MAST4: variants seen among roughly 807,000 people sequenced by gnomAD.
The protein encoded by MAST4 is microtubule-associated serine/threonine-protein kinase 4.
Under a neutral mutation model 162.7 loss-of-function variants are expected in MAST4, and 89 were observed. That is an observed-to-expected ratio of 0.55 (90% CI 0.46 to 0.65). The LOEUF (loss-of-function observed/expected upper bound fraction) is 0.65, where lower values mean the gene tolerates loss of function less well. MAST4 is among the 30% of genes least tolerant of loss of function. The pLI, the probability that MAST4 is intolerant of heterozygous loss-of-function variation, is 0.00. For synonymous variants in MAST4, 1,479 were observed against 1,361.1 expected (o/e 1.09, Z -1.91); for missense variants, 3,153 against 3,374.0 (o/e 0.93, Z 1.62).
chr5:66,948,506 G>A (rs1744289891), intron 4 of MAST4, among the ~76,000 whole-genome samples: 1 of 152,034 alleles, frequency 6.6e-6, no homozygotes, highest in African/African-American at 2.4e-5. Context: ...GCTTAGGTAG[G>A]GCACAGCAAA....
chr5:66,939,551 A>T (rs1237825027), intron 4 of MAST4, among the ~76,000 whole-genome samples: 1 of 152,090 alleles, frequency 6.6e-6, no homozygotes, highest in Non-Finnish European at 1.5e-5. Context: ...ATACCAATTC[A>T]TATTTTGCCA....
At chr5:67,116,084 T>G (rs1766872323) in intron 12 of MAST4, among the ~76,000 whole-genome samples, 1 of 152,230 alleles carries the variant, frequency 6.6e-6, no homozygotes, top group South Asian at 2.1e-4. Flanking sequence ...TTCTAGAGGC[T>G]CTGAAGAAAA....
In MAST4 at chr5:67,136,634, A is replaced by C. The variant is rs1455457027; in HGVS notation, c.2464A>C (p.Arg822=). 1 of 1,603,040 alleles carries C rather than the reference A, an allele frequency of 6.2e-7. No individual in the cohort carries two copies. Among genetic ancestry groups the C allele is most frequent in the South Asian group, 1.1e-5 (1 of 88,374 alleles). ...CCAGGATCTGATTACCTTACTCCTC[A>C]GGCAGAATCCCCTGGAGAGGCTGGG... ...DAQDLITLLL[R]QNPLERLGTG... The change falls in exon 19 of 29, where the codon AGG becomes CGG. Residue 822 remains arginine (R), a synonymous_variant. Coordinates refer to ENST00000403625, the MANE Select transcript of MAST4 (RefSeq NM_001164664.2).
Position 67,100,679 on chromosome 5 carries a change from A to G in MAST4, c.1070+87A>G. 9.4e-6 allele frequency: 14 copies of G among 1,493,908 alleles called. No homozygotes were observed. In the South Asian group the frequency reaches 1.4e-4, roughly 15 times the overall value. 92.5% of individuals were successfully genotyped at this position (1,493,908 alleles called of 1,614,324 possible). A position where few individuals can be genotyped will look rare whatever the true frequency, so the allele number is the denominator to read the frequency against. On this transcript the variant is annotated intron_variant, in intron 8 of 28. Coordinates refer to ENST00000403625, the MANE Select transcript of MAST4 (RefSeq NM_001164664.2). The stretch of plus-strand genomic sequence containing the variant: ...TGAACACTTCGGTCCTTTAGGTCAT[A>G]TGTGTGTTAACTGACTTGCAAACTA...
chr5:66,993,086 G>A (rs918670019), intron 4 of MAST4, among the ~76,000 whole-genome samples: 12 of 152,266 alleles, frequency 7.9e-5, no homozygotes, highest in East Asian at 1.9e-4. Context: ...CAATAGTGGC[G>A]TTTGGTTCAT....
chr5:66,972,660 C>T (rs1747587171), intron 4 of MAST4, among the ~76,000 whole-genome samples: 1 of 152,196 alleles, frequency 6.6e-6, no homozygotes, highest in Non-Finnish European at 1.5e-5. Context: ...CCATTTATCC[C>T]TAGATTTGTG....
intron 1 of MAST4, among the ~76,000 whole-genome samples, chr5:66,663,737 A>G (rs1747061482): frequency 6.6e-6 from 1 of 152,184 alleles, no homozygotes. Context: ...CCTGTGGGCC[A>G]TTTTTAGAAC....
At chr5:66,992,312 T>C (rs1750152600) in intron 4 of MAST4, among the ~76,000 whole-genome samples, 1 of 152,210 alleles carries the variant, frequency 6.6e-6, no homozygotes, top group African/African-American at 2.4e-5. Context: ...AGATAGTGTC[T>C]ATATCAAGAA....
rs1439797580 is a variant in MAST4 at position 67,163,730 on chromosome 5, G to A, written c.4551G>A (p.Lys1517=). The A allele has an allele frequency of 1.9e-6, 3 of 1,609,048 alleles. No homozygotes were observed. Among genetic ancestry groups the A allele is most frequent in the Non-Finnish European group, 2.5e-6 (3 of 1,178,026 alleles). ...GCCTGAAACGCCCAGTCTCCCGGAAGGTGGGCCGCCAGGAGTCTGTGGACG... is the reference window on the plus strand; with the variant it reads ...GCCTGAAACGCCCAGTCTCCCGGAAAGTGGGCCGCCAGGAGTCTGTGGACG... The part of the protein sequence containing the change: ...QGCLKRPVSR[K]VGRQESVDDL... The change falls in exon 29 of 29, where the codon AAG becomes AAA. Residue 1517 remains lysine (K), a synonymous_variant. Coordinates refer to ENST00000403625, the MANE Select transcript of MAST4 (RefSeq NM_001164664.2). This position sits in a 1 kb window ranked among gnomAD's most constrained non-coding sequence, Gnocchi z 7.0.
At chr5:66,689,438 C>A (rs575233430) in intron 1 of MAST4, among the ~76,000 whole-genome samples, 31 of 152,290 alleles carry the variant, frequency 2.0e-4, no homozygotes, top group Admixed American at 2.0e-3. Context: ...CCTACTCTTG[C>A]CATTCCTGTC....
At chr5:66,914,792 C>CT (rs1763999255) in intron 4 of MAST4, among the ~76,000 whole-genome samples, 1 of 152,164 alleles carries the variant, frequency 6.6e-6, no homozygotes, top group African/African-American at 2.4e-5. Context: ...ATCTAGAGAC[C>CT]TTTTTGGTTG....
At chr5:67,091,633 T>C (rs1057327157) in intron 6 of MAST4, among the ~76,000 whole-genome samples, 18 of 152,196 alleles carry the variant, frequency 1.2e-4, no homozygotes, top group African/African-American at 4.3e-4. Flanking sequence ...GGAGAATGCA[T>C]TTAATTATTA....
intron 1 of MAST4, among the ~76,000 whole-genome samples, chr5:66,679,298 G>A (rs1403159378): frequency 6.6e-6 from 1 of 152,192 alleles, no homozygotes; most frequent in East Asian, 1.9e-4. Context: ...TCTAAATCAT[G>A]TAGAAGATAG....
intron 3 of MAST4, among the ~76,000 whole-genome samples, chr5:66,880,432 C>T (rs943113955): frequency 3.3e-5 from 5 of 152,050 alleles, no homozygotes; most frequent in African/African-American, 1.2e-4. Flanking sequence ...ATATATTAAC[C>T]ATTCCAAAAA....
chr5:66,664,804 G>A (rs1485350341), intron 1 of MAST4, among the ~76,000 whole-genome samples: 1 of 152,066 alleles, frequency 6.6e-6, no homozygotes, highest in Non-Finnish European at 1.5e-5. Context: ...AGATGAGACT[G>A]TGAATTTTGT....
intron 4 of MAST4, among the ~76,000 whole-genome samples, chr5:67,005,337 T>G (rs1751890727): frequency 6.6e-6 from 1 of 152,224 alleles, no homozygotes; most frequent in Admixed American, 6.5e-5. Flanking sequence ...GACATTTCCT[T>G]GTGAGAGGTG....
chr5:66,885,126 A>G (rs27423), intron 3 of MAST4, among the ~76,000 whole-genome samples: 69,211 of 151,966 alleles, frequency 0.46, 16,197 homozygotes, highest in East Asian at 0.66. Flanking sequence ...GCTGGGATCT[A>G]TGTGGAATAG....
At position 66,810,862 on chromosome 5, in the gene MAST4, T is replaced by A. The variant is rs1387715748; in HGVS notation, c.642+22068T>A. 7.2e-5 allele frequency among the ~76,000 whole-genome samples: 11 copies of A among 152,150 alleles called. No individual in the cohort carries two copies. In the East Asian group the frequency reaches 2.1e-3, roughly 29 times the overall value. ...GCTGAACTTGAGCAGAGAGGGGAGGTAGCAAAGTGAGATGGGAAAGTGTCT... is the reference window on the plus strand; with the variant it reads ...GCTGAACTTGAGCAGAGAGGGGAGGAAGCAAAGTGAGATGGGAAAGTGTCT... On this transcript the variant is annotated intron_variant, in intron 3 of 28. Transcript: ENST00000403625.
intron 4 of MAST4, among the ~76,000 whole-genome samples, chr5:66,989,922 CT>C (rs1404274694): frequency 3.3e-5 from 5 of 151,990 alleles, no homozygotes; most frequent in African/African-American, 1.2e-4. Flanking sequence ...GAGAAATGTG[CT>C]TTTGTAGCTT....
Sources: gnomAD v4.1 joint callset for allele counts (sites outside exome capture counted in the v4.1 genomes callset) on GRCh38, gnomAD v4.1.1 for gene constraint, Gnocchi (gnomAD v3.1) non-coding constraint, MANE v1.5 for transcripts, NCBI Gene and HGNC (gene_info 2026-07-23, HGNC 2026-07-21) for gene names.